DLGAP1: variants seen among roughly 807,000 people sequenced by gnomAD.
The protein encoded by DLGAP1 is DLG associated protein 1.
DLGAP1 carries 11 observed loss-of-function variants against 90.8 expected under a neutral mutation model. The ratio of observed to expected loss-of-function variants is 0.12; its 90% CI spans 0.08 to 0.20. The LOEUF (loss-of-function observed/expected upper bound fraction) is 0.20. Among genes scored for constraint, DLGAP1 ranks in the 10% least tolerant of loss-of-function variants. The probability of loss-of-function intolerance (pLI) is 1.00; values close to 1 mark genes in which losing one functional copy is unlikely to be tolerated. For synonymous variants in DLGAP1, 558 were observed against 540.7 expected, an observed-to-expected ratio of 1.03 and a Z score of -0.44; for missense variants, 1,050 against 1,333.8, an observed-to-expected ratio of 0.79 and a Z score of 3.31.
intron 2 of DLGAP1, among the ~76,000 whole-genome samples, chr18:4,099,333 A>G (rs201025394): frequency 1.1e-4 from 16 of 141,882 alleles, no homozygotes; most frequent in African/African-American, 3.7e-4. Context: ...CTATCTATCT[A>G]TCTATCTATC....
chr18:3,602,543 C>T (rs916168673), intron 7 of DLGAP1, among the ~76,000 whole-genome samples: 1 of 138,388 alleles, frequency 7.2e-6, no homozygotes, highest in Non-Finnish European at 1.5e-5. Context: ...TGCAGGGAGC[C>T]GAGATCGCGC....
At chr18:3,736,379 A>C (rs1205730441) in intron 6 of DLGAP1, among the ~76,000 whole-genome samples, 1 of 152,208 alleles carries the variant, frequency 6.6e-6, no homozygotes, top group Non-Finnish European at 1.5e-5. Flanking sequence ...TCATCCAAGC[A>C]CAATCTGTTT....
chr18:4,000,568 A>G (rs1304476391), intron 3 of DLGAP1, among the ~76,000 whole-genome samples: 1 of 152,158 alleles, frequency 6.6e-6, no homozygotes, highest in African/African-American at 2.4e-5. Flanking sequence ...TGGTTTTCCG[A>G]GGCTTGGTCT....
intron 3 of DLGAP1, chr18:3,986,542 G>A (rs897371071): frequency 1.3e-5 from 2 of 151,706 alleles, no homozygotes; most frequent in Non-Finnish European, 2.9e-5. Context: ...TACCATGCTC[G>A]GCTTCATGCT....
intron 1 of DLGAP1, among the ~76,000 whole-genome samples, chr18:4,196,800 C>T (rs749053781): frequency 6.6e-6 from 1 of 152,144 alleles, no homozygotes; most frequent in African/African-American, 2.4e-5. Context: ...TGTATATGTA[C>T]ACATTTTTGT....
At chr18:4,438,479 T>G (rs8086720) in intron 1 of DLGAP1, among the ~76,000 whole-genome samples, 62,921 of 142,674 alleles carry the variant, frequency 0.44, 14,011 homozygotes, top group East Asian at 0.52. Flanking sequence ...TATGCCCACA[T>G]TTTTCAACTG....
chr18:3,688,063 C>T (rs527628274), intron 7 of DLGAP1, among the ~76,000 whole-genome samples: 24 of 152,080 alleles, frequency 1.6e-4, no homozygotes, highest in Admixed American at 7.9e-4. Flanking sequence ...TGCACCACCA[C>T]GCCCAGCTAA....
At position 4,142,837 on chromosome 18, in the gene DLGAP1, G is replaced by T. The variant is rs1521423; in HGVS notation, c.-159+8343C>A. On this transcript the variant is annotated intron_variant, in intron 2 of 12. Coordinates refer to ENST00000315677, the MANE Select transcript of DLGAP1 (RefSeq NM_004746.4). ...TAGGCGGTACCCCAAGCCCAGCAATGCTGTGAGGTGATTCTGCTCTTGCAG... is the reference window on the plus strand; with the variant it reads ...TAGGCGGTACCCCAAGCCCAGCAATTCTGTGAGGTGATTCTGCTCTTGCAG... Among the ~76,000 whole-genome samples the T allele has an allele frequency of 1.6e-3, 241 of 152,198 alleles. 1 individual carries two copies. Among genetic ancestry groups the T allele is most frequent in the African/African-American group, 5.4e-3 (226 of 41,506 alleles).
At chr18:4,033,613 C>T (rs2074835317) in intron 2 of DLGAP1, among the ~76,000 whole-genome samples, 1 of 152,094 alleles carries the variant, frequency 6.6e-6, no homozygotes, top group Non-Finnish European at 1.5e-5. Flanking sequence ...AGAGCATATG[C>T]ATTTTCTATA....
chr18:4,220,736 A>G (rs1437183945), intron 1 of DLGAP1, among the ~76,000 whole-genome samples: 3 of 152,052 alleles, frequency 2.0e-5, no homozygotes, highest in Non-Finnish European at 2.9e-5. Context: ...CAAACCTACA[A>G]ATCTATCTAG....
At chr18:3,846,726 A>T (rs1435000887) in intron 4 of DLGAP1, among the ~76,000 whole-genome samples, 1 of 152,230 alleles carries the variant, frequency 6.6e-6, no homozygotes, top group African/African-American at 2.4e-5. Context: ...TTCTATTTAT[A>T]TGAAATGTCC....
chr18:4,050,556 C>T (rs2075118835), intron 2 of DLGAP1, among the ~76,000 whole-genome samples: 1 of 152,104 alleles, frequency 6.6e-6, no homozygotes, highest in Non-Finnish European at 1.5e-5. Flanking sequence ...GGCTTCTATC[C>T]ACGTTATTAA....
chr18:3,982,663 C>A (rs57714590), intron 3 of DLGAP1, among the ~76,000 whole-genome samples: 1 of 151,834 alleles, frequency 6.6e-6, no homozygotes, highest in South Asian at 2.1e-4. Flanking sequence ...CCATTTATAG[C>A]CCTTCTTCTC....
chr18:3,696,443 T>A (rs8090302), intron 7 of DLGAP1, among the ~76,000 whole-genome samples: 42,315 of 152,116 alleles, frequency 0.28, 6,914 homozygotes, highest in East Asian at 0.45. Context: ...TTTCTGCATC[T>A]ATTGAAATAA....
chr18:4,014,330 G>A lies in DLGAP1; in HGVS notation c.-158-9129C>T, dbSNP rs576415139. On this transcript the variant is annotated intron_variant, in intron 2 of 12. Transcript: ENST00000315677. The stretch of plus-strand genomic sequence containing the variant: ...GATCTCTTGACCTTGTGATCTGCCC[G>A]CCTCGGCCTACTTAGCCAACTTTTA... Among the ~76,000 whole-genome samples the A allele has an allele frequency of 2.5e-4, 38 of 152,136 alleles. No individual in the cohort carries two copies. In the South Asian group the frequency reaches 2.9e-3, roughly 12 times the overall value.
At chr18:3,905,672 A>G (rs2071890258) in intron 3 of DLGAP1, among the ~76,000 whole-genome samples, 1 of 152,232 alleles carries the variant, frequency 6.6e-6, no homozygotes, top group African/African-American at 2.4e-5. Context: ...ACAATGCGAT[A>G]GGCCCCAGCT....
intron 2 of DLGAP1, among the ~76,000 whole-genome samples, chr18:4,085,482 T>G (rs1047604043): frequency 1.3e-5 from 2 of 152,240 alleles, no homozygotes; most frequent in Admixed American, 6.5e-5. Context: ...TCTTTACATT[T>G]TGGGCAAGAC....
chr18:3,624,319 G>A (rs968304875), intron 7 of DLGAP1, among the ~76,000 whole-genome samples: 4 of 152,176 alleles, frequency 2.6e-5, no homozygotes, highest in East Asian at 1.9e-4. Flanking sequence ...TGACTGTGCC[G>A]CTGAGCACAG....
intron 1 of DLGAP1, among the ~76,000 whole-genome samples, chr18:4,193,501 T>G (rs888673560): frequency 6.6e-6 from 1 of 152,100 alleles, no homozygotes; most frequent in African/African-American, 2.4e-5. Context: ...AAAAAAACAG[T>G]CAAATGCTAG....
Sources: allele counts gnomAD v4.1 joint callset (sites outside exome capture counted in the v4.1 genomes callset), GRCh38; gene constraint gnomAD v4.1.1; transcripts MANE v1.5; gene names NCBI Gene and HGNC (gene_info 2026-07-23, HGNC 2026-07-21).